COMMD10: variants seen among roughly 807,000 people sequenced by gnomAD.
COMMD10 encodes COMM domain-containing protein 10.
Under a neutral mutation model 28.9 loss-of-function variants are expected in COMMD10, and 33 were observed. The ratio of observed to expected loss-of-function variants is 1.14; its 90% CI spans 0.87 to 1.53. The LOEUF (loss-of-function observed/expected upper bound fraction) is 1.53. COMMD10 is among the 40% of genes most tolerant of loss of function. The probability of loss-of-function intolerance (pLI) is 0.00; values close to 1 mark genes in which losing one functional copy is unlikely to be tolerated. For synonymous variants in COMMD10, 110 were observed against 81.7 expected (o/e 1.35, Z -1.87); for missense variants, 310 against 233.4 (o/e 1.33, Z -2.14).
intron 4 of COMMD10, among the ~76,000 whole-genome samples, chr5:116,118,555 T>C (rs1294239135): frequency 6.6e-6 from 1 of 152,218 alleles, no homozygotes; most frequent in Non-Finnish European, 1.5e-5. Context: ...GAGGAGGCTA[T>C]GAACTGCATT....
At chr5:116,195,864 C>G (rs771957337) in intron 5 of COMMD10, among the ~76,000 whole-genome samples, 6 of 152,118 alleles carry the variant, frequency 3.9e-5, no homozygotes, top group Non-Finnish European at 7.3e-5. Context: ...CAGGGAAATA[C>G]AAATCAAAAC....
chr5:116,251,899 C>G (rs936259296), intron 5 of COMMD10, among the ~76,000 whole-genome samples: 1 of 151,480 alleles, frequency 6.6e-6, no homozygotes. Flanking sequence ...AACTAGTTGA[C>G]AGTCCCACCA....
intron 5 of COMMD10, among the ~76,000 whole-genome samples, chr5:116,190,994 C>T (rs1457541465): frequency 1.3e-5 from 2 of 152,132 alleles, no homozygotes; most frequent in Non-Finnish European, 2.9e-5. Flanking sequence ...ACATTTTACA[C>T]CCTGTTGCCT....
At chr5:116,254,423 T>C (rs1247529333) in intron 5 of COMMD10, among the ~76,000 whole-genome samples, 1 of 151,632 alleles carries the variant, frequency 6.6e-6, no homozygotes, top group Non-Finnish European at 1.5e-5. Flanking sequence ...CTGCTTTCTC[T>C]TGTGGGCATT....
intron 5 of COMMD10, among the ~76,000 whole-genome samples, chr5:116,246,147 A>T (rs1749947141): frequency 6.6e-6 from 1 of 152,168 alleles, no homozygotes; most frequent in Non-Finnish European, 1.5e-5. Flanking sequence ...CTCAGAATAC[A>T]ACATGAGTGT....
intron 5 of COMMD10, among the ~76,000 whole-genome samples, chr5:116,173,883 A>G (rs1036146373): frequency 6.7e-5 from 10 of 148,604 alleles, no homozygotes; most frequent in African/African-American, 2.5e-4. Flanking sequence ...CAGTCATAAT[A>G]TAGTAATATG....
At chr5:116,261,174 C>T (rs996801675) in intron 5 of COMMD10, among the ~76,000 whole-genome samples, 3 of 151,762 alleles carry the variant, frequency 2.0e-5, no homozygotes, top group East Asian at 1.9e-4. Context: ...TTAAATTTCT[C>T]AGTACTACCT....
chr5:116,096,089 A>G (rs184914342), intron 4 of COMMD10, among the ~76,000 whole-genome samples: 273 of 151,990 alleles, frequency 1.8e-3, no homozygotes, highest in Middle Eastern at 6.8e-3. Flanking sequence ...TGGCAATCCT[A>G]GTTTCTTTGC....
rs1275817212 is a variant in COMMD10, at chr5:116,129,429, T to C, written c.400-4639T>C. On this transcript the variant is annotated intron_variant, in intron 4 of 6. Coordinates refer to ENST00000274458, the MANE Select transcript of COMMD10 (RefSeq NM_016144.4). ...ACTATGTAATATACATTAGTATATA[T>C]ATACTATATACTAATGTAATATACA... Among the ~76,000 whole-genome samples, 2 of 28,370 alleles carry C rather than the reference T, an allele frequency of 7.0e-5. 1 individual carries two copies. Among genetic ancestry groups the C allele is most frequent in the Non-Finnish European group, 1.4e-4 (2 of 14,006 alleles). The allele number at this position is 28,370 out of a possible 152,430, so 18.6% of individuals were successfully genotyped here.
intron 5 of COMMD10, among the ~76,000 whole-genome samples, chr5:116,284,170 A>G (rs1433133565): frequency 6.6e-6 from 1 of 150,694 alleles, no homozygotes; most frequent in Non-Finnish European, 1.5e-5. Flanking sequence ...AGCAAATTTA[A>G]TTTCTTTAAA....
intron 5 of COMMD10, among the ~76,000 whole-genome samples, chr5:116,230,386 T>C (rs1482198450): frequency 6.6e-6 from 1 of 152,080 alleles, no homozygotes; most frequent in Non-Finnish European, 1.5e-5. Context: ...TCTCATGACA[T>C]ATATCATTGT....
At chr5:116,251,715 C>T (rs1459857904) in intron 5 of COMMD10, among the ~76,000 whole-genome samples, 1 of 151,498 alleles carries the variant, frequency 6.6e-6, no homozygotes, top group Non-Finnish European at 1.5e-5. Context: ...TGGGTTGGTT[C>T]CAAGTCTTTG....
chr5:116,228,519 A>G (rs1302482933), intron 5 of COMMD10, among the ~76,000 whole-genome samples: 1 of 151,966 alleles, frequency 6.6e-6, no homozygotes, highest in Non-Finnish European at 1.5e-5. Flanking sequence ...AAATGTTTGA[A>G]AATTTGCTTT....
chr5:116,275,970 A>T (rs926370056), intron 5 of COMMD10, among the ~76,000 whole-genome samples: 12 of 151,482 alleles, frequency 7.9e-5, no homozygotes, highest in African/African-American at 2.9e-4. Flanking sequence ...ATATATATAT[A>T]TATGGTACTA....
intron 5 of COMMD10, among the ~76,000 whole-genome samples, chr5:116,210,717 C>T (rs1748941358): frequency 6.6e-6 from 1 of 152,106 alleles, no homozygotes; most frequent in South Asian, 2.1e-4. Flanking sequence ...CTACCTTTAT[C>T]ACTGCCACCT....
At chr5:116,168,965 G>GA (rs1753225936) in intron 5 of COMMD10, among the ~76,000 whole-genome samples, 1 of 151,810 alleles carries the variant, frequency 6.6e-6, no homozygotes, top group East Asian at 1.9e-4. Context: ...CAGAAGACAA[G>GA]AAATAACTAA....
chr5:116,207,531 A>ATT (rs70978609), intron 5 of COMMD10, among the ~76,000 whole-genome samples: 3 of 151,146 alleles, frequency 2.0e-5, no homozygotes, highest in Non-Finnish European at 4.4e-5. Context: ...AGTATTTCAG[A>ATT]TTTTTTTTTC....
intron 5 of COMMD10, among the ~76,000 whole-genome samples, chr5:116,248,369 T>C (rs1205332557): frequency 8.2e-6 from 1 of 121,910 alleles, no homozygotes; most frequent in East Asian, 2.1e-4. Context: ...AAAAGTATAA[T>C]ATTAAGAGTT....
chr5:116,273,756 A>G (rs1311159629), intron 5 of COMMD10, among the ~76,000 whole-genome samples: 1 of 151,674 alleles, frequency 6.6e-6, no homozygotes, highest in Non-Finnish European at 1.5e-5. Flanking sequence ...TTGTAGATGA[A>G]CTGGAGTTTT....
Sources: gnomAD v4.1 joint callset for allele counts (sites outside exome capture counted in the v4.1 genomes callset) on GRCh38, gnomAD v4.1.1 for gene constraint, MANE v1.5 for transcripts, NCBI Gene and HGNC (gene_info 2026-07-23, HGNC 2026-07-21) for gene names.